Variants in PPARA observed in about 807,000 individuals in gnomAD.
PPARA encodes the protein peroxisome proliferator-activated receptor alpha.
In PPARA, 22 loss-of-function variants were observed where a neutral mutation model predicts 42.2. That is an observed-to-expected ratio of 0.52 (90% confidence interval 0.37 to 0.74). The LOEUF is 0.74. Ranked by LOEUF, PPARA falls within the 30% of genes least tolerant of loss-of-function variation. The pLI, the probability that PPARA is intolerant of heterozygous loss-of-function variation, is 0.00. For synonymous variants in PPARA, 242 were observed against 239.3 expected, an observed-to-expected ratio of 1.01 and a Z score of -0.10; for missense variants, 465 against 608.2, an observed-to-expected ratio of 0.76 and a Z score of 2.48.
intron 4 of PPARA, among the ~76,000 whole-genome samples, chr22:46,205,923 G>A (rs1343914606): frequency 1.3e-5 from 2 of 151,778 alleles, no homozygotes; most frequent in Non-Finnish European, 2.9e-5. Context: ...TCTTTTGATT[G>A]GTGTTAACAT....
Position 46,204,921 on chromosome 22 carries a change from G to A in PPARA, c.208+6330G>A, listed in dbSNP as rs990513021. On this transcript the variant is annotated intron_variant, in intron 4 of 8. Transcript: ENST00000407236. The surrounding 1 kb of genome is among the most constrained non-coding windows in gnomAD (Gnocchi z 5.2). ...CTCAATCTATTGCCCAGGCTAGAGT[G>A]CAGTGGTGCGATCATGGCTTACTGC... 6.6e-6 allele frequency among the ~76,000 whole-genome samples: 1 copy of A among 151,998 alleles called. No homozygotes were observed. Among genetic ancestry groups the A allele is most frequent in the Non-Finnish European group, 1.5e-5 (1 of 67,990 alleles).
At chr22:46,214,301 T>A (rs1934228198) in intron 4 of PPARA, among the ~76,000 whole-genome samples, 1 of 149,474 alleles carries the variant, frequency 6.7e-6, no homozygotes, top group African/African-American at 2.5e-5. Flanking sequence ...GGGCCCGAGA[T>A]GTGCGGGTCC....
At position 46,187,886 on chromosome 22, in the gene PPARA, G is replaced by A. The variant is rs1002492366; in HGVS notation, c.-42-10456G>A. Reference sequence around the variant, plus strand: ...TGTGACTTGCTTTGACCCACAGAACGTAACAGAAAGGACACTGCCTAACTT... The same window carrying A: ...TGTGACTTGCTTTGACCCACAGAACATAACAGAAAGGACACTGCCTAACTT... On this transcript the variant is annotated intron_variant, in intron 3 of 8. Coordinates refer to ENST00000407236, the MANE Select transcript of PPARA (RefSeq NM_005036.6). This position sits in a 1 kb window ranked among gnomAD's most constrained non-coding sequence, Gnocchi z 4.9. Among the ~76,000 whole-genome samples the A allele has an allele frequency of 4.6e-5, 7 of 152,194 alleles. No homozygotes were observed. The highest frequency in any genetic ancestry group is 2.0e-4 in the Admixed American group (3 of 15,272).
In PPARA at chr22:46,160,850, G is replaced by A. The variant is rs1365938368; in HGVS notation, c.-127+8880G>A. Among the ~76,000 whole-genome samples, 13 of 152,176 alleles carry A rather than the reference G, an allele frequency of 8.5e-5. No homozygotes were observed. The highest frequency in any genetic ancestry group is 8.5e-4 in the Admixed American group (13 of 15,280). ...GGGCTCAAGTGATCTGTCCGCCTTG[G>A]CCTCCCAAAGTGTTGGGATTACAGG... On this transcript the variant is annotated intron_variant, in intron 2 of 8. Coordinates refer to ENST00000407236, the MANE Select transcript of PPARA (RefSeq NM_005036.6). This position sits in a 1 kb window ranked among gnomAD's most constrained non-coding sequence, Gnocchi z 4.5.
chr22:46,220,773 A>C (rs987126468), intron 7 of PPARA: 1 of 151,610 alleles, frequency 6.6e-6, no homozygotes, highest in South Asian at 2.1e-4. Flanking sequence ...AGAAACCCCA[A>C]CTCTACTAAA....
rs1931480257 is a variant in PPARA, at chr22:46,191,119, G to A, written c.-42-7223G>A. ...GAGGCACGAGAATCGCTTGAACCCG[G>A]GAGGCGTGGGGTTGCAGTGAGCCGA... On this transcript the variant is annotated intron_variant, in intron 3 of 8. Coordinates refer to ENST00000407236, the MANE Select transcript of PPARA (RefSeq NM_005036.6). The surrounding 1 kb of genome is among the most constrained non-coding windows in gnomAD (Gnocchi z 4.6). 6.6e-6 allele frequency among the ~76,000 whole-genome samples: 1 copy of A among 152,168 alleles called. No homozygotes were observed. The highest frequency in any genetic ancestry group is 1.9e-4 in the East Asian group (1 of 5,168).
At position 46,183,707 on chromosome 22, in the gene PPARA, C is replaced by G. The variant is rs1930283952; in HGVS notation, c.-43+6871C>G. 6.6e-6 allele frequency among the ~76,000 whole-genome samples: 1 copy of G among 152,180 alleles called. No individual in the cohort carries two copies. Among genetic ancestry groups the G allele is most frequent in the Non-Finnish European group, 1.5e-5 (1 of 68,040 alleles). On this transcript the variant is annotated intron_variant, in intron 3 of 8. Transcript: ENST00000407236. This position sits in a 1 kb window ranked among gnomAD's most constrained non-coding sequence, Gnocchi z 5.5. ...CAGTGAGCTGTAATTGCACCATGCA[C>G]TCCAGCCTGGGTGAAAGAAGGAAAC...
chr22:46,197,438 G>C (rs1932404595), intron 3 of PPARA, among the ~76,000 whole-genome samples: 1 of 152,250 alleles, frequency 6.6e-6, no homozygotes, highest in Non-Finnish European at 1.5e-5. Flanking sequence ...TGATGACTGA[G>C]AGATTCCTGG....
At position 46,173,130 on chromosome 22, in the gene PPARA, G is replaced by A. The variant is rs1381544765; in HGVS notation, c.-126-3623G>A. Among the ~76,000 whole-genome samples the A allele has an allele frequency of 2.0e-5, 3 of 152,186 alleles. No individual in the cohort carries two copies. The highest frequency in any genetic ancestry group is 6.5e-5 in the Admixed American group (1 of 15,272). On this transcript the variant is annotated intron_variant, in intron 2 of 8. Coordinates refer to ENST00000407236, the MANE Select transcript of PPARA (RefSeq NM_005036.6). The surrounding 1 kb of genome is among the most constrained non-coding windows in gnomAD (Gnocchi z 4.3). ...GAAGGTACTTGGTTTATTGTTAACCGATGTTTGCTAAATGTTTGAATTATG... is the reference window on the plus strand; with the variant it reads ...GAAGGTACTTGGTTTATTGTTAACCAATGTTTGCTAAATGTTTGAATTATG...
chr22:46,215,583 C>G (rs575092072), intron 5 of PPARA, among the ~76,000 whole-genome samples: 1 of 151,346 alleles, frequency 6.6e-6, no homozygotes. Context: ...ACTAAAAATA[C>G]CAAAAAAAAT....
In PPARA at chr22:46,195,904, G is replaced by A. The variant is rs1339650285; in HGVS notation, c.-42-2438G>A. ...GGTCACCTAGTCAGCCTCGTTGGGT[G>A]ATTGATGACTCAGCTGGGTTCAGGG... is the stretch of plus-strand genomic sequence containing the variant. On this transcript the variant is annotated intron_variant, in intron 3 of 8. Transcript: ENST00000407236. The surrounding 1 kb of genome is among the most constrained non-coding windows in gnomAD (Gnocchi z 4.6). 6.6e-6 allele frequency among the ~76,000 whole-genome samples: 1 copy of A among 152,196 alleles called. No individual in the cohort carries two copies. The highest frequency in any genetic ancestry group is 1.5e-5 in the Non-Finnish European group (1 of 68,032).
At chr22:46,174,192 GA>G (rs1335343329) in intron 2 of PPARA, among the ~76,000 whole-genome samples, 1 of 67,756 alleles carries the variant, frequency 1.5e-5, no homozygotes, top group East Asian at 3.3e-4. Flanking sequence ...AAGGAAGAAA[GA>G]GAGAGAGAGA....
Position 46,187,232 on chromosome 22 carries a change from G to A in PPARA, c.-43+10396G>A, listed in dbSNP as rs1015929803. 6.6e-6 allele frequency among the ~76,000 whole-genome samples: 1 copy of A among 152,178 alleles called. No individual in the cohort carries two copies. The highest frequency in any genetic ancestry group is 2.4e-5 in the African/African-American group (1 of 41,434). ...CCTGGCTTACAGAGGTCAAGCCTCA[G>A]GTACCTTAAACACCATTTTAAAACT... On this transcript the variant is annotated intron_variant, in intron 3 of 8. Transcript: ENST00000407236. The surrounding 1 kb of genome is among the most constrained non-coding windows in gnomAD (Gnocchi z 4.9).
rs45576734 is a variant in PPARA at position 46,242,468 on chromosome 22, A to G, written c.*7088A>G. ...TTGGTAAAGTTACAGTGTTCATGTT[A>G]AATATCACTTTTTTCTACATTGTGT... On this transcript the variant is annotated 3_prime_UTR_variant, in exon 9 of 9. Coordinates refer to ENST00000407236, the MANE Select transcript of PPARA (RefSeq NM_005036.6). This position sits in a 1 kb window ranked among gnomAD's most constrained non-coding sequence, Gnocchi z 6.1. 15,197 of 152,690 alleles carry G rather than the reference A, an allele frequency of 0.1. 826 individuals carry two copies. The highest frequency in any genetic ancestry group is 0.11 in the Non-Finnish European group (7,656 of 68,012). The allele number at this position is 152,690 out of a possible 1,614,324, so 9.5% of individuals were successfully genotyped here.
chr22:46,229,338 G>C (rs900988278), intron 7 of PPARA, among the ~76,000 whole-genome samples: 2 of 152,006 alleles, frequency 1.3e-5, no homozygotes, highest in African/African-American at 4.8e-5. Context: ...CAGATTGCCT[G>C]AGCTCAGGAG....
At chr22:46,194,505 C>T (rs1208099304) in intron 3 of PPARA, among the ~76,000 whole-genome samples, 1 of 150,790 alleles carries the variant, frequency 6.6e-6, no homozygotes, top group East Asian at 1.9e-4. Flanking sequence ...ACACGATGGG[C>T]GAAAAAGGGA....
chr22:46,219,816 T>A lies in PPARA; in HGVS notation c.513T>A (p.Ile171=), dbSNP rs1934850918. 4.3e-6 allele frequency: 7 copies of A among 1,614,190 alleles called. No individual in the cohort carries two copies. Among genetic ancestry groups the A allele is most frequent in the Non-Finnish European group, 5.9e-6 (7 of 1,180,032 alleles). ...CLSVGMSHNA[I]RFGRMPRSEK... ...GTTTCCCCCTCCAAACCCTAGCGAT[T>A]CGTTTTGGACGAATGCCAAGATCTG... Residue 171 remains isoleucine (I), a synonymous_variant, in exon 7 of 9, where the codon ATT becomes ATA. Transcript: ENST00000407236. The surrounding 1 kb of genome is among the most constrained non-coding windows in gnomAD (Gnocchi z 4.8).
rs1415178631 is a variant in PPARA, at chr22:46,184,757, A to T, written c.-43+7921A>T. Among the ~76,000 whole-genome samples, 1 of 152,340 alleles carries T rather than the reference A, an allele frequency of 6.6e-6. No homozygotes were observed. The highest frequency in any genetic ancestry group is 2.4e-5 in the African/African-American group (1 of 41,576). On this transcript the variant is annotated intron_variant, in intron 3 of 8. Transcript: ENST00000407236. The surrounding 1 kb of genome is among the most constrained non-coding windows in gnomAD (Gnocchi z 4.4). ...GTAGTACCAGCTATTCGGGAGGCTG[A>T]GGCACGAGAATTGCTTTAACCTGGG...
intron 4 of PPARA, among the ~76,000 whole-genome samples, chr22:46,205,710 G>A (rs1011876073): frequency 4.0e-5 from 6 of 150,776 alleles, no homozygotes; most frequent in African/African-American, 7.3e-5. Flanking sequence ...GGGATTACAG[G>A]CATGTGCTAC....
Sources: gnomAD v4.1 joint callset for allele counts (sites outside exome capture counted in the v4.1 genomes callset) on GRCh38, gnomAD v4.1.1 for gene constraint, Gnocchi (gnomAD v3.1) non-coding constraint, MANE v1.5 for transcripts, NCBI Gene and HGNC (gene_info 2026-07-23, HGNC 2026-07-21) for gene names.